PHKB: variants seen among roughly 807,000 people sequenced by gnomAD.
PHKB encodes phosphorylase b kinase regulatory subunit beta.
PHKB carries 122 observed loss-of-function variants against 152.1 expected under a neutral mutation model. The observed-to-expected ratio is 0.80, with a 90% CI of 0.69 to 0.93. The LOEUF (loss-of-function observed/expected upper bound fraction) is 0.93. Ranked by LOEUF, PHKB falls within the 40% of genes least tolerant of loss-of-function variation. The probability of loss-of-function intolerance (pLI) is 0.00; values close to 1 mark genes in which losing one functional copy is unlikely to be tolerated. For synonymous variants in PHKB, 436 were observed against 464.9 expected, an observed-to-expected ratio of 0.94 and a Z score of 0.80; for missense variants, 1,304 against 1,328.4, an observed-to-expected ratio of 0.98 and a Z score of 0.29.
chr16:47,610,289 G>A (rs916239833), intron 13 of PHKB, among the ~76,000 whole-genome samples: 5 of 151,128 alleles, frequency 3.3e-5, no homozygotes, highest in Non-Finnish European at 7.4e-5. Flanking sequence ...GATTACAGGC[G>A]TGACCCACTG....
intron 6 of PHKB, among the ~76,000 whole-genome samples, chr16:47,522,321 G>T (rs905095202): frequency 6.6e-6 from 1 of 151,792 alleles, no homozygotes; most frequent in African/African-American, 2.4e-5. Context: ...TATCTAATTT[G>T]TTGGCACATA....
intron 7 of PHKB, among the ~76,000 whole-genome samples, chr16:47,569,105 T>C (rs537370577): frequency 1.3e-5 from 2 of 152,344 alleles, no homozygotes; most frequent in African/African-American, 4.8e-5. Context: ...TATGTAGTGC[T>C]GTCAATGAAG....
At chr16:47,490,373 T>C (rs1345230883) in intron 1 of PHKB, among the ~76,000 whole-genome samples, 3 of 152,242 alleles carry the variant, frequency 2.0e-5, no homozygotes, top group South Asian at 4.1e-4. Context: ...GTGATCTCTG[T>C]GGTTTATAAT....
intron 10 of PHKB, 135 bp from the exon 11 acceptor site, chr16:47,593,365 A>T: frequency 1.6e-6 from 1 of 613,216 alleles, no homozygotes; most frequent in Non-Finnish European, 2.9e-6. Flanking sequence ...CCTTGAGCCC[A>T]GGAGGGCAAG....
intron 1 of PHKB, among the ~76,000 whole-genome samples, chr16:47,465,697 T>C (rs2151625667): frequency 6.6e-6 from 1 of 152,330 alleles, no homozygotes; most frequent in Non-Finnish European, 1.5e-5. Context: ...AACTTTGCAT[T>C]GTGTTTTGAA....
Position 47,461,389 on chromosome 16 carries a change from GA to G in PHKB, c.41del (p.Lys14ArgfsTer106). 6.2e-7 allele frequency: 1 copy of G among 1,613,116 alleles called. No individual in the cohort carries two copies. Among genetic ancestry groups the G allele is most frequent in the Middle Eastern group, 1.7e-4 (1 of 5,934 alleles). ...AAGLTAEVSWKVLERRARTKR... is the reference protein window; with the variant it reads ...AAGLTAEVSWXVLERRARTKR... Reference sequence around the variant, plus strand: ...CGGGACTCACGGCAGAAGTGAGCTGGAAGGTCTTGGAGCGAAGAGCTCGGAC... The same window carrying G: ...CGGGACTCACGGCAGAAGTGAGCTGGAGGTCTTGGAGCGAAGAGCTCGGAC... On this transcript the variant is annotated frameshift_variant, in exon 1 of 31. Coordinates refer to ENST00000323584, the MANE Select transcript of PHKB (RefSeq NM_000293.3). LOFTEE classifies it high-confidence loss of function.
chr16:47,609,045 T>C (rs564466586), intron 13 of PHKB, among the ~76,000 whole-genome samples: 3 of 152,336 alleles, frequency 2.0e-5, no homozygotes, highest in East Asian at 3.9e-4. Context: ...AGCTTTTTCA[T>C]AGATTCCCTT....
At chr16:47,606,092 A>T (rs1026539439) in intron 13 of PHKB, among the ~76,000 whole-genome samples, 2 of 152,244 alleles carry the variant, frequency 1.3e-5, no homozygotes, top group Non-Finnish European at 2.9e-5. Context: ...CTGCTGCTGC[A>T]GAGGCAGCGG....
chr16:47,515,361 A>G (rs2151651609), intron 5 of PHKB, among the ~76,000 whole-genome samples, 160 bp from the exon 6 acceptor site: 1 of 152,362 alleles, frequency 6.6e-6, no homozygotes, highest in Non-Finnish European at 1.5e-5. Context: ...TGGGATTTTT[A>G]TTATGAACTA....
intron 25 of PHKB, among the ~76,000 whole-genome samples, chr16:47,666,402 CT>C (rs1335161915): frequency 6.6e-6 from 1 of 152,198 alleles, no homozygotes; most frequent in Non-Finnish European, 1.5e-5. Context: ...CACATGAGAT[CT>C]CCCCACTTAG....
In PHKB at chr16:47,588,917, G is replaced by C. The variant is rs1432322452; in HGVS notation, c.883G>C (p.Ala295Pro). 1 of 1,613,496 alleles carries C rather than the reference G, an allele frequency of 6.2e-7. No homozygotes were observed. Among genetic ancestry groups the C allele is most frequent in the Non-Finnish European group, 8.5e-7 (1 of 1,179,654 alleles). ...RESRSHNTDAALLPCISYPAF... is the reference protein window; with the variant it reads ...RESRSHNTDAPLLPCISYPAF... Reference sequence around the variant, plus strand: ...TCATTGCCTCCAGAATACAGATGCTGCCCTGCTCCCCTGCATCAGTTATCC... The same window carrying C: ...TCATTGCCTCCAGAATACAGATGCTCCCCTGCTCCCCTGCATCAGTTATCC... The change falls in exon 10 of 31, where the codon GCC becomes CCC. Residue 295 changes from alanine (A) to proline (P), a missense_variant. Ala to Pro is a conservative substitution (Grantham distance 27). Coordinates refer to ENST00000323584, the MANE Select transcript of PHKB (RefSeq NM_000293.3).
chr16:47,670,215 T>A (rs1481857126), intron 26 of PHKB, among the ~76,000 whole-genome samples: 1 of 152,224 alleles, frequency 6.6e-6, no homozygotes, highest in Non-Finnish European at 1.5e-5. Context: ...AGCCCAATGA[T>A]ATCTGAGCTT....
rs747074902 is a variant in PHKB, at chr16:47,649,112, C to G, written c.1705C>G (p.Leu569Val). 6.3e-7 allele frequency: 1 copy of G among 1,595,602 alleles called. No homozygotes were observed. The highest frequency in any genetic ancestry group is 8.6e-7 in the Non-Finnish European group (1 of 1,163,232). The change falls in exon 18 of 31, where the codon CTA (leucine) becomes GTA (valine). Residue 569 changes from leucine to valine, a missense_variant. Coordinates refer to ENST00000323584, the MANE Select transcript of PHKB (RefSeq NM_000293.3). ...TTTTCCCTTACAGATTTATCGCATT[C>G]TAGGAAAGACTGTGGTTTGTTACCC... ...CLGTSKIYRI[L>V]GKTVVCYPII...
At chr16:47,515,376 C>A in intron 5 of PHKB, 145 bp from the exon 6 acceptor site, 1 of 635,498 alleles carries the variant, frequency 1.6e-6, no homozygotes, top group Non-Finnish European at 2.8e-6. Flanking sequence ...GAACTAAATT[C>A]ACAACACCTT....
At chr16:47,573,602 A>T (rs1971699827) in intron 7 of PHKB, among the ~76,000 whole-genome samples, 1 of 152,152 alleles carries the variant, frequency 6.6e-6, no homozygotes, top group Non-Finnish European at 1.5e-5. Flanking sequence ...CTCAGCATGC[A>T]AAACTGCCCC....
At chr16:47,592,051 C>G (rs1972037796) in intron 10 of PHKB, among the ~76,000 whole-genome samples, 1 of 152,126 alleles carries the variant, frequency 6.6e-6, no homozygotes, top group African/African-American at 2.4e-5. Flanking sequence ...ACTAGGAATG[C>G]TACTAAACAT....
intron 1 of PHKB, among the ~76,000 whole-genome samples, chr16:47,471,152 T>A (rs1474444177): frequency 6.6e-6 from 1 of 152,136 alleles, no homozygotes; most frequent in African/African-American, 2.4e-5. Flanking sequence ...GAAGTGATAT[T>A]TAACTCCTAG....
At chr16:47,490,946 C>G (rs1330381710) in intron 1 of PHKB, among the ~76,000 whole-genome samples, 1 of 152,214 alleles carries the variant, frequency 6.6e-6, no homozygotes. Flanking sequence ...TTTACCTTAT[C>G]TAATTCAAAA....
intron 25 of PHKB, among the ~76,000 whole-genome samples, chr16:47,667,184 A>C (rs1035830278): frequency 9.2e-5 from 14 of 152,046 alleles, no homozygotes; most frequent in African/African-American, 3.4e-4. Flanking sequence ...TGTAATCCAA[A>C]CACTTTGGGG....
Sources: allele counts gnomAD v4.1 joint callset (sites outside exome capture counted in the v4.1 genomes callset), GRCh38; gene constraint gnomAD v4.1.1; transcripts MANE v1.5; gene names NCBI Gene and HGNC (gene_info 2026-07-23, HGNC 2026-07-21).